The following SGCZ variants were observed in gnomAD, a reference collection of about 807,000 sequenced individuals.
SGCZ encodes zeta-sarcoglycan.
A neutral mutation model predicts 41.3 loss-of-function variants in SGCZ; 40 were observed. The observed-to-expected ratio is 0.97, with a 90% CI of 0.75 to 1.26. The LOEUF (loss-of-function observed/expected upper bound fraction) is 1.26, where lower values mean the gene tolerates loss of function less well. Ranked by LOEUF, SGCZ falls within the 50% of genes most tolerant of loss-of-function variation. The pLI, the probability that SGCZ is intolerant of heterozygous loss-of-function variation, is 0.00. For missense variants in SGCZ, 552 were observed against 369.8 expected, an observed-to-expected ratio of 1.49 and a Z score of -4.04; for synonymous variants, 206 against 137.5, an observed-to-expected ratio of 1.50 and a Z score of -3.49.
At chr8:14,450,664 A>T (rs1323710557) in intron 2 of SGCZ, among the ~76,000 whole-genome samples, 1 of 152,180 alleles carries the variant, frequency 6.6e-6, no homozygotes, top group African/African-American at 2.4e-5. Flanking sequence ...GTAAAACCAT[A>T]CCATAGTGAC....
intron 2 of SGCZ, among the ~76,000 whole-genome samples, chr8:14,462,618 T>C (rs894810472): frequency 3.3e-5 from 5 of 152,076 alleles, no homozygotes; most frequent in Non-Finnish European, 5.9e-5. Flanking sequence ...TTGATTACTG[T>C]AGCTTTAAAG....
At chr8:14,949,879 G>C (rs1299082413) in intron 1 of SGCZ, among the ~76,000 whole-genome samples, 7 of 152,056 alleles carry the variant, frequency 4.6e-5, no homozygotes, top group Admixed American at 4.6e-4. Context: ...AAGTATAAAA[G>C]AGTTTGGCAA....
rs561274323 is a variant in SGCZ at position 14,645,462 on chromosome 8, G to T, written c.40-90536C>A. On this transcript the variant is annotated intron_variant, in intron 1 of 7. Transcript: ENST00000382080. ...TATGACCAATTAGAAAAGTATCATTGATTATATATATATATTTATATGTAT... is the reference window on the plus strand; with the variant it reads ...TATGACCAATTAGAAAAGTATCATTTATTATATATATATATTTATATGTAT... Among the ~76,000 whole-genome samples the T allele has an allele frequency of 8.8e-3, 896 of 102,198 alleles. 16 individuals are homozygous for T. The highest frequency in any genetic ancestry group is 0.031 in the African/African-American group (847 of 27,332). The allele number at this position is 102,198 out of a possible 152,430, so 67.0% of individuals were successfully genotyped here.
At chr8:15,110,352 G>A (rs1329405853) in intron 1 of SGCZ, among the ~76,000 whole-genome samples, 7 of 152,146 alleles carry the variant, frequency 4.6e-5, no homozygotes, top group African/African-American at 1.7e-4. Flanking sequence ...GAAATTGTAA[G>A]CTCATAAAAT....
At chr8:14,934,769 A>G (rs1800030886) in intron 1 of SGCZ, among the ~76,000 whole-genome samples, 1 of 151,746 alleles carries the variant, frequency 6.6e-6, no homozygotes, top group Non-Finnish European at 1.5e-5. Flanking sequence ...TAGACACATC[A>G]AAGTGAAACT....
intron 1 of SGCZ, among the ~76,000 whole-genome samples, chr8:14,714,502 T>A (rs938665494): frequency 6.6e-6 from 1 of 152,210 alleles, no homozygotes; most frequent in African/African-American, 2.4e-5. Context: ...TTTCAGTGAA[T>A]AAAATGCCTT....
At chr8:14,782,252 T>A (rs1358494937) in intron 1 of SGCZ, among the ~76,000 whole-genome samples, 1 of 152,236 alleles carries the variant, frequency 6.6e-6, no homozygotes, top group African/African-American at 2.4e-5. Context: ...CTGAGATTAT[T>A]TGAGTAAAAA....
intron 2 of SGCZ, among the ~76,000 whole-genome samples, chr8:14,503,562 G>A (rs945240189): frequency 2.6e-5 from 4 of 152,106 alleles, no homozygotes; most frequent in Admixed American, 2.0e-4. Flanking sequence ...GAGTTCAAGA[G>A]ATCGAGACTA....
chr8:15,028,159 A>C (rs1165315177), intron 1 of SGCZ, among the ~76,000 whole-genome samples: 2 of 152,100 alleles, frequency 1.3e-5, no homozygotes, highest in African/African-American at 4.8e-5. Context: ...TCAGATAATA[A>C]AGATTTGAAT....
At chr8:14,127,452 A>G (rs1299002816) in intron 5 of SGCZ, among the ~76,000 whole-genome samples, 2 of 151,872 alleles carry the variant, frequency 1.3e-5, no homozygotes, top group Admixed American at 1.3e-4. Flanking sequence ...ATTCATTTTT[A>G]TTTCTATTTA....
At chr8:15,148,967 C>A (rs763519861) in intron 1 of SGCZ, among the ~76,000 whole-genome samples, 1 of 152,138 alleles carries the variant, frequency 6.6e-6, no homozygotes, top group Non-Finnish European at 1.5e-5. Flanking sequence ...AAAGCAAACA[C>A]GTATCACAGA....
At chr8:14,827,325 C>T (rs190310873) in intron 1 of SGCZ, among the ~76,000 whole-genome samples, 7 of 148,942 alleles carry the variant, frequency 4.7e-5, no homozygotes, top group African/African-American at 7.4e-5. Flanking sequence ...CAACTTCTGT[C>T]TCCCAGGTTC....
intron 2 of SGCZ, among the ~76,000 whole-genome samples, chr8:14,494,790 C>A (rs1801943263): frequency 6.6e-6 from 1 of 152,124 alleles, no homozygotes; most frequent in Non-Finnish European, 1.5e-5. Flanking sequence ...GGTTGTGTAG[C>A]TGGTTTTTGC....
chr8:14,765,984 T>A (rs990592710), intron 1 of SGCZ, among the ~76,000 whole-genome samples: 1 of 146,170 alleles, frequency 6.8e-6, no homozygotes, highest in African/African-American at 2.6e-5. Context: ...TTTTTTTTTT[T>A]AACAGAGGCT....
chr8:14,681,797 TCTC>T lies in SGCZ; in HGVS notation c.40-126874_40-126872del, dbSNP rs1808454958. Reference sequence around the variant, plus strand: ...GAGGTCTCTGCATGTTTTTTAATGTTCTCCTCTTGCATGGCAGGAAGCCCATGG... The same window carrying T: ...GAGGTCTCTGCATGTTTTTTAATGTTCTCTTGCATGGCAGGAAGCCCATGG... On this transcript the variant is annotated intron_variant, in intron 1 of 7. Transcript: ENST00000382080. Among the ~76,000 whole-genome samples the T allele has an allele frequency of 2.0e-5, 3 of 152,254 alleles. No individual in the cohort carries two copies. In the South Asian group the frequency reaches 6.2e-4, roughly 32 times the overall value.
chr8:14,236,293 A>T (rs1806757850), intron 4 of SGCZ, among the ~76,000 whole-genome samples: 1 of 152,192 alleles, frequency 6.6e-6, no homozygotes, highest in African/African-American at 2.4e-5. Context: ...TATATCTCTA[A>T]TTATCACAAA....
intron 3 of SGCZ, among the ~76,000 whole-genome samples, chr8:14,280,009 C>A (rs1800367561): frequency 6.6e-6 from 1 of 151,846 alleles, no homozygotes; most frequent in African/African-American, 2.4e-5. Flanking sequence ...CATTTTGCCA[C>A]CATCTTTTTG....
At chr8:15,044,337 C>G (rs569952636) in intron 1 of SGCZ, among the ~76,000 whole-genome samples, 1 of 152,110 alleles carries the variant, frequency 6.6e-6, no homozygotes, top group African/African-American at 2.4e-5. Flanking sequence ...GAAAAATTCA[C>G]TTTACATTTG....
intron 3 of SGCZ, chr8:14,309,605 T>A: frequency 6.2e-7 from 1 of 1,610,856 alleles, no homozygotes; most frequent in Non-Finnish European, 8.5e-7. Context: ...AGATAGTGAC[T>A]GGTTATCAGT....
Sources: gnomAD v4.1 joint callset for allele counts (sites outside exome capture counted in the v4.1 genomes callset) on GRCh38, gnomAD v4.1.1 for gene constraint, MANE v1.5 for transcripts, NCBI Gene and HGNC (gene_info 2026-07-23, HGNC 2026-07-21) for gene names.